The following SPAG16 variants were observed in gnomAD, a reference collection of about 807,000 sequenced individuals.
SPAG16 encodes the protein sperm associated antigen 16, also known as sperm-associated antigen 16 protein.
SPAG16 carries 86 observed loss-of-function variants against 80.4 expected under a neutral mutation model. The observed-to-expected ratio is 1.07, with a 90% CI of 0.90 to 1.28. The LOEUF (loss-of-function observed/expected upper bound fraction) is 1.28. SPAG16 is among the 50% of genes most tolerant of loss of function. The pLI, the probability that SPAG16 is intolerant of heterozygous loss-of-function variation, is 0.00. For synonymous variants in SPAG16, 294 were observed against 265.9 expected (o/e 1.11, Z -1.03); for missense variants, 870 against 765.3 (o/e 1.14, Z -1.61).
At chr2:214,130,156 G>C (rs973594723) in intron 14 of SPAG16, among the ~76,000 whole-genome samples, 1 of 152,162 alleles carries the variant, frequency 6.6e-6, no homozygotes, top group African/African-American at 2.4e-5. Flanking sequence ...GGTTGAAATA[G>C]ATAAGCCCTG....
rs1169653026 is a variant in SPAG16, at chr2:213,567,411, T to G, written c.1070+77321T>G. On this transcript the variant is annotated intron_variant, in intron 10 of 15. Coordinates refer to ENST00000331683, the MANE Select transcript of SPAG16 (RefSeq NM_024532.5). ...CCCGACCCCACCACAGTCCCCAGAG[T>G]GTGATATTCCCCTTCCTGTGTCCAT... Among the ~76,000 whole-genome samples the G allele has an allele frequency of 6.0e-5, 6 of 99,260 alleles. No individual in the cohort carries two copies. In the South Asian group the frequency reaches 2.4e-3, roughly 39 times the overall value. The allele number at this position is 99,260 out of a possible 152,430, so 65.1% of individuals were successfully genotyped here.
At chr2:213,473,349 T>A (rs540258823) in intron 9 of SPAG16, among the ~76,000 whole-genome samples, 8 of 152,310 alleles carry the variant, frequency 5.3e-5, no homozygotes, top group African/African-American at 1.9e-4. Flanking sequence ...ATTTTGTAGA[T>A]GAGAACTGCG....
At position 213,292,685 on chromosome 2, in the gene SPAG16, C is replaced by CA. The variant is rs1553617119; in HGVS notation, c.137-3370dup. On this transcript the variant is annotated intron_variant, in intron 1 of 15. Coordinates refer to ENST00000331683, the MANE Select transcript of SPAG16 (RefSeq NM_024532.5). ...TCTCAAAAAAAAAAAACAAAAAAAA[C>CA]AAAAAAAAACAAAACTATCAGAAAG... Among the ~76,000 whole-genome samples the CA allele has an allele frequency of 1.2e-3, 108 of 91,660 alleles. 10 individuals are homozygous for CA. The highest frequency in any genetic ancestry group is 3.4e-3 in the East Asian group (17 of 4,978). 60.1% of individuals were successfully genotyped at this position (91,660 alleles called of 152,430 possible).
At chr2:213,675,844 G>T (rs2064038535) in intron 10 of SPAG16, among the ~76,000 whole-genome samples, 1 of 151,694 alleles carries the variant, frequency 6.6e-6, no homozygotes, top group African/African-American at 2.4e-5. Context: ...TGTTCTTTTG[G>T]CTTAGGATTG....
chr2:214,006,684 C>T (rs983622005), intron 12 of SPAG16, among the ~76,000 whole-genome samples: 1 of 152,222 alleles, frequency 6.6e-6, no homozygotes, highest in African/African-American at 2.4e-5. Flanking sequence ...TGCTGTCATG[C>T]TCCATCACTT....
rs532977715 is a variant in SPAG16 at position 214,308,022 on chromosome 2, A to G, written c.1721-102118A>G. ...TCCCACTATTACTGTATGGGAGTCT[A>G]TGTCTCATTGAAGGTCCCTAAGAAT... On this transcript the variant is annotated intron_variant, in intron 15 of 15. Coordinates refer to ENST00000331683, the MANE Select transcript of SPAG16 (RefSeq NM_024532.5). Among the ~76,000 whole-genome samples the G allele has an allele frequency of 9.9e-5, 15 of 152,230 alleles. No individual in the cohort carries two copies. The South Asian group carries it at 1.9e-3, about 19-fold the overall frequency.
At chr2:213,644,265 T>A (rs896273752) in intron 10 of SPAG16, among the ~76,000 whole-genome samples, 4 of 152,084 alleles carry the variant, frequency 2.6e-5, no homozygotes, top group African/African-American at 7.2e-5. Flanking sequence ...TGTCTTGAAT[T>A]TCTTTGTGTT....
At chr2:214,199,085 G>C (rs1416797527) in intron 15 of SPAG16, among the ~76,000 whole-genome samples, 1 of 152,048 alleles carries the variant, frequency 6.6e-6, no homozygotes, top group Non-Finnish European at 1.5e-5. Context: ...TTCTTTTGCT[G>C]TGCGGAGGCT....
intron 10 of SPAG16, among the ~76,000 whole-genome samples, chr2:213,851,771 T>A (rs892847576): frequency 2.0e-5 from 3 of 152,138 alleles, no homozygotes; most frequent in Non-Finnish European, 4.4e-5. Flanking sequence ...AAACTGAAGC[T>A]TTAGCTTTTA....
chr2:213,468,401 A>ATC lies in SPAG16; in HGVS notation c.943-21560_943-21559dup, dbSNP rs1323905397. Among the ~76,000 whole-genome samples the ATC allele has an allele frequency of 3.1e-3, 444 of 144,912 alleles. 1 individual carries two copies. Among genetic ancestry groups the ATC allele is most frequent in the Admixed American group, 4.5e-3 (64 of 14,274 alleles). On this transcript the variant is annotated intron_variant, in intron 9 of 15. Transcript: ENST00000331683. ...TATATATATAGATATATATATATAT[A>ATC]TCTATGTATTTATGTACAGATATAT... is the stretch of plus-strand genomic sequence containing the variant.
chr2:213,580,522 T>G (rs1374876364), intron 10 of SPAG16, among the ~76,000 whole-genome samples: 1 of 152,154 alleles, frequency 6.6e-6, no homozygotes, highest in East Asian at 1.9e-4. Context: ...ATATCTAAGA[T>G]TTGTTTGCAG....
At chr2:213,877,509 C>T (rs2076186505) in intron 11 of SPAG16, among the ~76,000 whole-genome samples, 1 of 152,104 alleles carries the variant, frequency 6.6e-6, no homozygotes, top group Admixed American at 6.5e-5. Flanking sequence ...GAGATGAGAT[C>T]TCACTATATT....
At chr2:213,719,098 T>C (rs2066392950) in intron 10 of SPAG16, among the ~76,000 whole-genome samples, 1 of 151,846 alleles carries the variant, frequency 6.6e-6, no homozygotes, top group Non-Finnish European at 1.5e-5. Context: ...GTGGAGAACC[T>C]TTATGTCTAG....
rs566096363 is a variant in SPAG16 at position 213,645,976 on chromosome 2, C to A, written c.1070+155886C>A. 5.9e-5 allele frequency among the ~76,000 whole-genome samples: 9 copies of A among 152,256 alleles called. 1 individual carries two copies. In the South Asian group the frequency reaches 1.9e-3, roughly 32 times the overall value. ...CAGGCTGGGGCTGGTTTAAAGGTTC[C>A]CTCAGTGGGCCAGTGTCAGTTGAGT... On this transcript the variant is annotated intron_variant, in intron 10 of 15. Transcript: ENST00000331683.
intron 15 of SPAG16, among the ~76,000 whole-genome samples, chr2:214,209,451 A>C (rs2058230716): frequency 6.6e-6 from 1 of 152,212 alleles, no homozygotes; most frequent in Admixed American, 6.6e-5. Flanking sequence ...AGATGTTCAA[A>C]TACCCTGGGA....
At chr2:214,267,193 A>C (rs1691638593) in intron 15 of SPAG16, among the ~76,000 whole-genome samples, 1 of 151,804 alleles carries the variant, frequency 6.6e-6, no homozygotes, top group Non-Finnish European at 1.5e-5. Flanking sequence ...AAAGATTAAA[A>C]AATAGATAAA....
rs2056167100 is a variant in SPAG16, at chr2:214,155,332, G to A, written c.1720+6066G>A. 2.0e-5 allele frequency among the ~76,000 whole-genome samples: 3 copies of A among 152,274 alleles called. No homozygotes were observed. The South Asian group carries it at 6.2e-4, about 32-fold the overall frequency. On this transcript the variant is annotated intron_variant, in intron 15 of 15. Transcript: ENST00000331683. ...GAAAACCTTACAATTCAAAAAGACA[G>A]CAGGTTGGCAAACTACTGCCCATGG...
intron 3 of SPAG16, among the ~76,000 whole-genome samples, chr2:213,297,971 T>G (rs2062579537): frequency 6.6e-6 from 1 of 152,212 alleles, no homozygotes; most frequent in Non-Finnish European, 1.5e-5. Context: ...CTTTCAGTGT[T>G]TAACCCCTTT....
At chr2:213,762,862 G>A (rs546402699) in intron 10 of SPAG16, among the ~76,000 whole-genome samples, 1 of 152,260 alleles carries the variant, frequency 6.6e-6, no homozygotes, top group Non-Finnish European at 1.5e-5. Context: ...CGGAATGGGG[G>A]AAAGTATTTG....
Sources: allele counts gnomAD v4.1 joint callset (sites outside exome capture counted in the v4.1 genomes callset), GRCh38; gene constraint gnomAD v4.1.1; transcripts MANE v1.5; gene names NCBI Gene and HGNC (gene_info 2026-07-23, HGNC 2026-07-21).